Variants in CATSPERD observed in about 807,000 individuals in gnomAD.
CATSPERD encodes the protein cation channel sperm-associated auxiliary subunit delta.
Under a neutral mutation model 98.1 loss-of-function variants are expected in CATSPERD, and 86 were observed. The ratio of observed to expected loss-of-function variants is 0.88; its 90% CI spans 0.74 to 1.05. The LOEUF (loss-of-function observed/expected upper bound fraction) is 1.05. Ranked by LOEUF, CATSPERD falls within the 50% of genes least tolerant of loss-of-function variation. CATSPERD has a pLI of 0.00. For missense variants in CATSPERD, 995 were observed against 1,005.7 expected (o/e 0.99, Z 0.14); for synonymous variants, 394 against 390.2 (o/e 1.01, Z -0.12).
intron 13 of CATSPERD, among the ~76,000 whole-genome samples, chr19:5,756,414 C>T (rs979243650): frequency 3.3e-5 from 5 of 152,076 alleles, no homozygotes; most frequent in Non-Finnish European, 4.4e-5. Context: ...GATGGTTGCA[C>T]GATATTGTGA....
chr19:5,735,680 G>A (rs573490811), intron 5 of CATSPERD, among the ~76,000 whole-genome samples: 1 of 151,794 alleles, frequency 6.6e-6, no homozygotes, highest in East Asian at 1.9e-4. Context: ...CCACCATGTT[G>A]GCCAGGATGA....
intron 20 of CATSPERD, chr19:5,775,315 T>G (rs2144699083): frequency 2.1e-6 from 1 of 470,228 alleles, no homozygotes; most frequent in South Asian, 1.6e-5. Flanking sequence ...CCCTCAAGCT[T>G]CCACAGACCT....
chr19:5,748,095 G>C (rs774627291), intron 9 of CATSPERD, 65 bp from the exon 10 acceptor site: 5 of 1,366,030 alleles, frequency 3.7e-6, no homozygotes, highest in Non-Finnish European at 5.2e-6. Flanking sequence ...TGTGGTCCCA[G>C]TAGTAGACAT....
intron 5 of CATSPERD, among the ~76,000 whole-genome samples, chr19:5,736,824 G>A (rs1241335426): frequency 1.3e-5 from 2 of 152,102 alleles, no homozygotes; most frequent in African/African-American, 2.4e-5. Flanking sequence ...TTGGGAGGCC[G>A]AGGTGGGTGG....
At chr19:5,769,893 A>C (rs966637585) in intron 18 of CATSPERD, among the ~76,000 whole-genome samples, 4 of 151,868 alleles carry the variant, frequency 2.6e-5, no homozygotes, top group East Asian at 1.9e-4. Context: ...GTTTGAGAGC[A>C]GTCTGGCCAA....
At chr19:5,741,729 C>A in intron 7 of CATSPERD, among the ~76,000 whole-genome samples, 1 of 140,826 alleles carries the variant, frequency 7.1e-6, no homozygotes, top group Non-Finnish European at 1.5e-5. Context: ...ATCAAATGAC[C>A]GCTGTCCAGG....
chr19:5,733,346 T>TCC (rs2055769532), intron 4 of CATSPERD, among the ~76,000 whole-genome samples: 1 of 132,302 alleles, frequency 7.6e-6, no homozygotes, highest in African/African-American at 2.7e-5. Flanking sequence ...CTTTCTTTCT[T>TCC]TCTTCCTTCC....
intron 4 of CATSPERD, among the ~76,000 whole-genome samples, chr19:5,730,549 T>A (rs962739986): frequency 4.9e-5 from 4 of 81,354 alleles, no homozygotes; most frequent in Non-Finnish European, 9.9e-5. Flanking sequence ...TCTTAAAAAA[T>A]AATAATAAAA....
chr19:5,775,204 G>C (rs1167754851), intron 20 of CATSPERD: 1 of 470,164 alleles, frequency 2.1e-6, no homozygotes, highest in African/African-American at 2.0e-5. Flanking sequence ...TGAAGGAAGG[G>C]GGAACGAATG....
At chr19:5,733,180 G>A (rs541514778) in intron 4 of CATSPERD, among the ~76,000 whole-genome samples, 1 of 151,912 alleles carries the variant, frequency 6.6e-6, no homozygotes, top group South Asian at 2.1e-4. Context: ...TTTTAATAGA[G>A]GCAGGGTTTC....
At chr19:5,763,813 G>A (rs2056486905) in intron 16 of CATSPERD, among the ~76,000 whole-genome samples, 2 of 138,154 alleles carry the variant, frequency 1.4e-5, no homozygotes, top group Non-Finnish European at 3.1e-5. Flanking sequence ...TAGAGATGGA[G>A]TGTCACCATG....
In CATSPERD at chr19:5,748,229, A is replaced by G. The variant is rs904111720; in HGVS notation, c.878A>G (p.Lys293Arg). The change falls in exon 10 of 22, where the codon AAG becomes AGG. Residue 293 changes from lysine to arginine, a missense_variant. This residue lies in a region of CATSPERD where 762 missense variants were observed against 773.7 expected (regional missense o/e 0.98). Transcript: ENST00000381624. ...TTGTTTTCTTCCATTTTTGAAGCCA[A>G]GATCACCATCCACAACATTGCTGTC... ...QTLFSSIFEA[K>R]ITIHNIAVTE... is the part of the protein sequence containing the mutation. 3 of 1,613,956 alleles carry G rather than the reference A, an allele frequency of 1.9e-6. No individual in the cohort carries two copies. The highest frequency in any genetic ancestry group is 1.3e-5 in the African/African-American group (1 of 74,922).
intron 18 of CATSPERD, among the ~76,000 whole-genome samples, chr19:5,769,046 C>T (rs140408279): frequency 0.012 from 1,867 of 151,562 alleles, 21 homozygotes; most frequent in Middle Eastern, 0.024. Flanking sequence ...GCCAGCTACT[C>T]GGGAGGCTGA....
At chr19:5,776,744 G>T (rs1255164514) in intron 21 of CATSPERD, among the ~76,000 whole-genome samples, 1 of 152,102 alleles carries the variant, frequency 6.6e-6, no homozygotes, top group Non-Finnish European at 1.5e-5. Flanking sequence ...TGTGGTGGCA[G>T]GTGCCTTTAA....
chr19:5,723,117 G>A (rs889863222), intron 1 of CATSPERD, among the ~76,000 whole-genome samples: 5 of 150,446 alleles, frequency 3.3e-5, no homozygotes, highest in Admixed American at 6.6e-5. Flanking sequence ...AACCCGGGAG[G>A]TGGAGCTTGC....
intron 14 of CATSPERD, among the ~76,000 whole-genome samples, chr19:5,758,165 G>A (rs2056363175): frequency 6.6e-6 from 1 of 152,110 alleles, no homozygotes; most frequent in Non-Finnish European, 1.5e-5. Flanking sequence ...CCCGGGGAGG[G>A]TAGCCGGAGA....
chr19:5,750,295 C>T (rs533396301), intron 11 of CATSPERD, among the ~76,000 whole-genome samples: 2 of 145,992 alleles, frequency 1.4e-5, no homozygotes, highest in Non-Finnish European at 3.0e-5. Flanking sequence ...AAAAAAAATA[C>T]GAAAAAATTA....
chr19:5,724,958 A>C (rs561810266), intron 2 of CATSPERD, 96 bp downstream of exon 2: 140 of 1,066,502 alleles, frequency 1.3e-4, no homozygotes, highest in Non-Finnish European at 2.0e-4. Flanking sequence ...CCGTGTTGTC[A>C]AGCATTTAAG....
At chr19:5,759,781 G>A (rs889810566) in intron 15 of CATSPERD, among the ~76,000 whole-genome samples, 2 of 150,674 alleles carry the variant, frequency 1.3e-5, no homozygotes, top group African/African-American at 4.9e-5. Flanking sequence ...ACTTAAGAAG[G>A]AAGGGAGTCC....
Sources: allele counts gnomAD v4.1 joint callset (sites outside exome capture counted in the v4.1 genomes callset), GRCh38; gene constraint gnomAD v4.1.1; regional missense constraint gnomAD v4.1.1; transcripts MANE v1.5; gene names NCBI Gene and HGNC (gene_info 2026-07-23, HGNC 2026-07-21).